The following PGM2 variants were observed in gnomAD, a reference collection of about 807,000 sequenced individuals.
PGM2 encodes the protein phosphoglucomutase 2, also known as phosphopentomutase.
A neutral mutation model predicts 74.6 loss-of-function variants in PGM2; 57 were observed. The observed-to-expected ratio is 0.76, with a 90% CI of 0.62 to 0.95. PGM2 has a LOEUF of 0.95. Among genes scored for constraint, PGM2 ranks in the 40% least tolerant of loss-of-function variants. PGM2 has a pLI of 0.00. For missense variants in PGM2, 706 were observed against 741.9 expected (o/e 0.95, Z 0.56); for synonymous variants, 273 against 260.7 (o/e 1.05, Z -0.46).
chr4:37,837,817 T>C (rs901723530), intron 4 of PGM2, among the ~76,000 whole-genome samples: 10 of 152,182 alleles, frequency 6.6e-5, no homozygotes, highest in African/African-American at 2.4e-4. Context: ...TTTGATTCAT[T>C]GGAATTGGTT....
chr4:37,834,721 GA>G lies in PGM2; in HGVS notation c.355del (p.Arg119GlyfsTer23). ...RAHPSSGGSS[R>X]RFARLAATTF... Reference sequence around the variant, plus strand: ...CATCCATCCAGTGGGGGTAGCAGCAGAAGGTATTTAAACATTTTTACAAAAT... The same window carrying G: ...CATCCATCCAGTGGGGGTAGCAGCAGAGGTATTTAAACATTTTTACAAAAT... On this transcript the variant is annotated frameshift_variant and splice_region_variant, in exon 3 of 14. Transcript: ENST00000381967. LOFTEE classifies it high-confidence loss of function. 1 of 1,400,946 alleles carries G rather than the reference GA, an allele frequency of 7.1e-7. No homozygotes were observed. The highest frequency in any genetic ancestry group is 1.0e-6 in the Non-Finnish European group (1 of 999,542). The allele number at this position is 1,400,946 out of a possible 1,614,324, so 86.8% of individuals were successfully genotyped here. A position where few individuals can be genotyped will look rare whatever the true frequency, so the allele number is the denominator to read the frequency against.
At chr4:37,854,437 A>G (rs947343373) in intron 12 of PGM2, among the ~76,000 whole-genome samples, 6 of 151,248 alleles carry the variant, frequency 4.0e-5, no homozygotes, top group Non-Finnish European at 7.4e-5. Flanking sequence ...TGCAACCTCC[A>G]CCTCCCGGGT....
At chr4:37,827,173 G>T (rs1054268639) in intron 1 of PGM2, among the ~76,000 whole-genome samples, 1 of 152,234 alleles carries the variant, frequency 6.6e-6, no homozygotes, top group Non-Finnish European at 1.5e-5. Flanking sequence ...GCTCGTCGTC[G>T]GTAGTCGGCT....
At chr4:37,845,885 G>A (rs1219577478) in intron 8 of PGM2, among the ~76,000 whole-genome samples, 155 bp downstream of exon 8, 4 of 151,786 alleles carry the variant, frequency 2.6e-5, no homozygotes, top group Non-Finnish European at 5.9e-5. Flanking sequence ...GTCTTCTAAT[G>A]GAGAGCAAGA....
chr4:37,839,168 G>C (rs1041986341), intron 4 of PGM2, among the ~76,000 whole-genome samples: 2 of 145,528 alleles, frequency 1.4e-5, no homozygotes, highest in Admixed American at 7.0e-5. Flanking sequence ...TCCCAGGCTG[G>C]AGTGCAATGG....
Position 37,861,512 on chromosome 4 carries a change from A to T in PGM2, c.1739A>T (p.Asp580Val), listed in dbSNP as rs780855648. ...TTTTTTTCCCCCTTATTTTCCAGTG[A>T]TCCTGAGCAGCTGAAGAAGGAACTG... is the stretch of plus-strand genomic sequence containing the variant. ...AELCAPPGNS[D>V]PEQLKKELNE... Residue 580 changes from aspartate (D) to valine (V), a missense_variant and splice_region_variant, in exon 14 of 14, where the codon GAT becomes GTT. Transcript: ENST00000381967. The T allele has an allele frequency of 2.9e-5, 47 of 1,606,930 alleles. 2 individuals carry two copies. In the South Asian group the frequency reaches 5.0e-4, roughly 17 times the overall value.
intron 4 of PGM2, among the ~76,000 whole-genome samples, chr4:37,838,547 A>C (rs140450770): frequency 6.6e-6 from 1 of 152,228 alleles, no homozygotes; most frequent in Admixed American, 6.5e-5. Context: ...CACATCTAGT[A>C]GAAATGAGAC....
At chr4:37,845,777 A>T in intron 8 of PGM2, 47 bp downstream of exon 8, 3 of 1,152,746 alleles carry the variant, frequency 2.6e-6, no homozygotes, top group Non-Finnish European at 3.9e-6. Flanking sequence ...ATAAAGGATG[A>T]TCTCTTCATT....
At chr4:37,846,647 A>G (rs1204077745) in intron 8 of PGM2, among the ~76,000 whole-genome samples, 1 of 152,226 alleles carries the variant, frequency 6.6e-6, no homozygotes, top group Non-Finnish European at 1.5e-5. Flanking sequence ...AAAGATTAAT[A>G]TAGAGCCATT....
chr4:37,850,158 T>C, intron 11 of PGM2, 26 bp from the exon 12 acceptor site: 1 of 1,311,134 alleles, frequency 7.6e-7, no homozygotes, highest in Non-Finnish European at 1.1e-6. Flanking sequence ...GTTCCTCATG[T>C]GCATGAATTT....
At chr4:37,845,601 AAAT>A (rs751026260) in intron 7 of PGM2, 29 bp from the exon 8 acceptor site, 24 of 1,396,276 alleles carry the variant, frequency 1.7e-5, no homozygotes, top group Non-Finnish European at 2.3e-5. Flanking sequence ...ATTCTTGATT[AAAT>A]AATCTTTTAT....
chr4:37,860,382 T>C (rs1450792350), intron 13 of PGM2, among the ~76,000 whole-genome samples: 1 of 152,240 alleles, frequency 6.6e-6, no homozygotes, highest in Non-Finnish European at 1.5e-5. Flanking sequence ...GGTTCAGTGC[T>C]AATTGCTTTA....
Position 37,830,043 on chromosome 4 carries a change from G to A in PGM2, c.161G>A (p.Arg54Gln), listed in dbSNP as rs373814980. 7 of 1,606,928 alleles carry A rather than the reference G, an allele frequency of 4.4e-6. No individual in the cohort carries two copies. Among genetic ancestry groups the A allele is most frequent in the South Asian group, 2.2e-5 (2 of 90,150 alleles). Residue 54 changes from arginine (R) to glutamine (Q), a missense_variant, in exon 2 of 14, where the codon CGA becomes CAA. Around this residue, in one of 3 missense-constraint regions of PGM2, gnomAD observed 332 missense variants for 334.9 expected, o/e 0.99. Coordinates refer to ENST00000381967, the MANE Select transcript of PGM2 (RefSeq NM_018290.4). ...KEELRKCFGA[R>Q]MEFGTAGLRA... Reference sequence around the variant, plus strand: ...GAACTACGAAAATGTTTTGGGGCCCGAATGGAGTTTGGGACAGCTGGCCTC... The same window carrying A: ...GAACTACGAAAATGTTTTGGGGCCCAAATGGAGTTTGGGACAGCTGGCCTC...
At chr4:37,855,544 G>C in intron 12 of PGM2, 64 bp from the exon 13 acceptor site, 2 of 1,394,938 alleles carry the variant, frequency 1.4e-6, no homozygotes, top group Non-Finnish European at 2.0e-6. Context: ...ACTTATGCAA[G>C]AGAAGATATT....
chr4:37,845,104 G>GTTAAT (rs1018283795), intron 7 of PGM2, among the ~76,000 whole-genome samples: 1 of 151,952 alleles, frequency 6.6e-6, no homozygotes, highest in Non-Finnish European at 1.5e-5. Flanking sequence ...TTCAAATTCA[G>GTTAAT]TTAATTTAAT....
intron 6 of PGM2, among the ~76,000 whole-genome samples, chr4:37,843,511 G>C (rs1725784534): frequency 6.6e-6 from 1 of 151,920 alleles, no homozygotes; most frequent in Admixed American, 6.6e-5. Context: ...GTTAATTTTG[G>C]TATCTGTTGT....
intron 4 of PGM2, among the ~76,000 whole-genome samples, chr4:37,837,884 C>A (rs984449491): frequency 7.8e-6 from 1 of 128,614 alleles, no homozygotes; most frequent in Admixed American, 7.4e-5. Flanking sequence ...AGAGAGTCAG[C>A]AAATTTTTTT....
chr4:37,851,411 A>T (rs552756647), intron 12 of PGM2, among the ~76,000 whole-genome samples: 13 of 152,334 alleles, frequency 8.5e-5, no homozygotes, highest in Non-Finnish European at 1.8e-4. Context: ...CTGAGTTTGC[A>T]TTCTTTACAC....
At chr4:37,852,226 A>G (rs1577682102) in intron 12 of PGM2, among the ~76,000 whole-genome samples, 2 of 137,578 alleles carry the variant, frequency 1.5e-5, no homozygotes, top group East Asian at 4.3e-4. Context: ...TTAGCCTCCC[A>G]AAGTACTGGG....
Sources: gnomAD v4.1 joint callset for allele counts (sites outside exome capture counted in the v4.1 genomes callset) on GRCh38, gnomAD v4.1.1 for gene constraint, gnomAD v4.1.1 regional missense constraint, MANE v1.5 for transcripts, NCBI Gene and HGNC (gene_info 2026-07-23, HGNC 2026-07-21) for gene names.